The following PDE3A variants were observed in gnomAD, a reference collection of about 807,000 sequenced individuals.
PDE3A encodes the protein phosphodiesterase 3A, also known as cGMP-inhibited 3',5'-cyclic phosphodiesterase 3A.
A neutral mutation model predicts 98.3 loss-of-function variants in PDE3A; 43 were observed. The ratio of observed to expected loss-of-function variants is 0.44; its 90% CI spans 0.34 to 0.56. The LOEUF is 0.56. PDE3A is among the 20% of genes least tolerant of loss of function. PDE3A has a pLI of 0.01. For missense variants in PDE3A, 1,427 were observed against 1,440.7 expected (o/e 0.99, Z 0.15); for synonymous variants, 663 against 567.9 (o/e 1.17, Z -2.38).
chr12:20,405,375 T>C (rs1944214066), intron 1 of PDE3A, among the ~76,000 whole-genome samples: 1 of 152,132 alleles, frequency 6.6e-6, no homozygotes, highest in Non-Finnish European at 1.5e-5. Flanking sequence ...ATGACCTAAA[T>C]TCTCTTCTGT....
chr12:20,435,934 T>A (rs1944772060), intron 1 of PDE3A, among the ~76,000 whole-genome samples: 3 of 152,168 alleles, frequency 2.0e-5, no homozygotes, highest in Admixed American at 2.0e-4. Context: ...GTTTTTTGTG[T>A]TTCTTGTGTT....
chr12:20,454,134 C>T (rs1056595560), intron 1 of PDE3A, among the ~76,000 whole-genome samples: 6 of 152,140 alleles, frequency 3.9e-5, no homozygotes, highest in African/African-American at 1.4e-4. Flanking sequence ...TAACACTTTC[C>T]CCATTTACTC....
intron 10 of PDE3A, among the ~76,000 whole-genome samples, chr12:20,643,288 CAGA>C (rs1479763682): frequency 9.9e-5 from 15 of 152,114 alleles, no homozygotes; most frequent in Non-Finnish European, 1.8e-4. Context: ...CTACCCTGGC[CAGA>C]AGAAGAAGAG....
At chr12:20,607,852 T>G (rs1042596756) in intron 2 of PDE3A, among the ~76,000 whole-genome samples, 1 of 152,172 alleles carries the variant, frequency 6.6e-6, no homozygotes. Flanking sequence ...TTCTTTAAAC[T>G]GGCTTTTATA....
chr12:20,458,137 A>G (rs1438229675), intron 1 of PDE3A, among the ~76,000 whole-genome samples: 2 of 149,966 alleles, frequency 1.3e-5, no homozygotes, highest in Non-Finnish European at 3.0e-5. Flanking sequence ...TTATTTATAA[A>G]GCAGTTAGCT....
At position 20,659,731 on chromosome 12, in the gene PDE3A, T is replaced by C. The variant is rs539765233; in HGVS notation, c.3184+5526T>C. ...AGATTACAGGCAGCATGAGCCACCA[T>C]AGCCAGCATGAACTATTAACTCTTT... On this transcript the variant is annotated intron_variant, in intron 15 of 15. Transcript: ENST00000359062. Among the ~76,000 whole-genome samples the C allele has an allele frequency of 2.0e-5, 3 of 152,292 alleles. No homozygotes were observed. The South Asian group carries it at 6.2e-4, about 32-fold the overall frequency.
At chr12:20,390,966 T>G (rs1305940053) in intron 1 of PDE3A, among the ~76,000 whole-genome samples, 3 of 151,998 alleles carry the variant, frequency 2.0e-5, no homozygotes, top group South Asian at 4.1e-4. Flanking sequence ...TTACTCTTGG[T>G]GCTGAATCCT....
chr12:20,655,941 G>A (rs1945033922), intron 15 of PDE3A, among the ~76,000 whole-genome samples: 1 of 152,116 alleles, frequency 6.6e-6, no homozygotes, highest in African/African-American at 2.4e-5. Context: ...ATAATTGGCT[G>A]GAGTGCATCA....
chr12:20,565,360 T>C (rs1225617362), intron 2 of PDE3A, among the ~76,000 whole-genome samples: 1 of 152,040 alleles, frequency 6.6e-6, no homozygotes, highest in Non-Finnish European at 1.5e-5. Flanking sequence ...ATCAGCAGCA[T>C]TGAGTAAGAT....
intron 1 of PDE3A, among the ~76,000 whole-genome samples, chr12:20,376,297 G>A (rs960757486): frequency 6.6e-6 from 1 of 151,916 alleles, no homozygotes; most frequent in African/African-American, 2.4e-5. Context: ...CCCAAGGCAA[G>A]ATGGCTTTTG....
rs561565265 is a variant in PDE3A at position 20,567,020 on chromosome 12, A to G, written c.1011+10310A>G. Among the ~76,000 whole-genome samples the G allele has an allele frequency of 8.5e-5, 13 of 152,070 alleles. No individual in the cohort carries two copies. The East Asian group carries it at 2.3e-3, about 27-fold the overall frequency. ...TTTAAAGAGTACTCCAATTAACTAT[A>G]AGTTTAGGAAATGTAATCCTAGGAC... On this transcript the variant is annotated intron_variant, in intron 2 of 15. Coordinates refer to ENST00000359062, the MANE Select transcript of PDE3A (RefSeq NM_000921.5).
At chr12:20,600,550 C>T (rs1943570006) in intron 2 of PDE3A, among the ~76,000 whole-genome samples, 1 of 152,156 alleles carries the variant, frequency 6.6e-6, no homozygotes, top group Non-Finnish European at 1.5e-5. Flanking sequence ...CTTCAAAAGG[C>T]CATTCTTTAC....
intron 1 of PDE3A, among the ~76,000 whole-genome samples, chr12:20,456,297 T>C (rs1347046747): frequency 6.6e-6 from 1 of 152,162 alleles, no homozygotes; most frequent in Non-Finnish European, 1.5e-5. Flanking sequence ...AAATGCTGAA[T>C]TTTGTAATAT....
chr12:20,665,509 C>G (rs1057358126), intron 15 of PDE3A, among the ~76,000 whole-genome samples: 1 of 152,060 alleles, frequency 6.6e-6, no homozygotes, highest in African/African-American at 2.4e-5. Context: ...AAGATCTGTA[C>G]AGGTTTGTCC....
At chr12:20,515,990 C>T (rs1320148279) in intron 1 of PDE3A, among the ~76,000 whole-genome samples, 1 of 151,146 alleles carries the variant, frequency 6.6e-6, no homozygotes, top group Non-Finnish European at 1.5e-5. Flanking sequence ...CCTCGGCCTC[C>T]CAAAGTGCTG....
At chr12:20,389,160 C>T (rs934118692) in intron 1 of PDE3A, among the ~76,000 whole-genome samples, 1 of 151,924 alleles carries the variant, frequency 6.6e-6, no homozygotes, top group African/African-American at 2.4e-5. Flanking sequence ...ATAGTACTAG[C>T]TGATTATGCT....
intron 1 of PDE3A, among the ~76,000 whole-genome samples, chr12:20,433,211 G>A (rs930872273): frequency 9.2e-5 from 14 of 152,222 alleles, no homozygotes; most frequent in African/African-American, 3.1e-4. Context: ...AAACTTTGGT[G>A]GGACACAGCA....
At chr12:20,571,573 G>GC (rs1942802674) in intron 2 of PDE3A, among the ~76,000 whole-genome samples, 2 of 152,108 alleles carry the variant, frequency 1.3e-5, no homozygotes, top group South Asian at 4.1e-4. Context: ...AACAAGGCCT[G>GC]TTTTTTTCTG....
chr12:20,487,193 T>G (rs995454727), intron 1 of PDE3A, among the ~76,000 whole-genome samples: 1 of 152,118 alleles, frequency 6.6e-6, no homozygotes, highest in Non-Finnish European at 1.5e-5. Context: ...TGTGTAGAAC[T>G]AAAGAATAAT....
Sources: allele counts gnomAD v4.1 joint callset (sites outside exome capture counted in the v4.1 genomes callset), GRCh38; gene constraint gnomAD v4.1.1; transcripts MANE v1.5; gene names NCBI Gene and HGNC (gene_info 2026-07-23, HGNC 2026-07-21).